Variants in FMN1 observed in about 807,000 individuals in gnomAD.
FMN1 encodes formin 1.
A neutral mutation model predicts 132.4 loss-of-function variants in FMN1; 110 were observed. The observed-to-expected ratio is 0.83, with a 90% CI of 0.71 to 0.97. The LOEUF is 0.97. Ranked by LOEUF, FMN1 falls within the 50% of genes least tolerant of loss-of-function variation. FMN1 has a pLI of 0.00. For synonymous variants in FMN1, 722 were observed against 651.7 expected, an observed-to-expected ratio of 1.11 and a Z score of -1.64; for missense variants, 1,792 against 1,705.3, an observed-to-expected ratio of 1.05 and a Z score of -0.90.
At chr15:33,078,521 A>G (rs2038313934) in intron 5 of FMN1, among the ~76,000 whole-genome samples, 1 of 152,220 alleles carries the variant, frequency 6.6e-6, no homozygotes, top group Admixed American at 6.5e-5. Context: ...CTATAGCTGG[A>G]GAAGGAAGTT....
chr15:33,128,602 T>C lies in FMN1; in HGVS notation c.1867+24446A>G, dbSNP rs113590020. Among the ~76,000 whole-genome samples the C allele has an allele frequency of 4.2e-3, 640 of 152,332 alleles. 5 individuals carry two copies. The highest frequency in any genetic ancestry group is 0.014 in the African/African-American group (585 of 41,576). Reference sequence around the variant, plus strand: ...CGTTCGTGGTCTAACTTCACAAACATACCCGCGGACCTTTGCGGCAAGTGT... The same window carrying C: ...CGTTCGTGGTCTAACTTCACAAACACACCCGCGGACCTTTGCGGCAAGTGT... On this transcript the variant is annotated intron_variant, in intron 4 of 20. Transcript: ENST00000616417.
intron 9 of FMN1, among the ~76,000 whole-genome samples, chr15:32,934,659 T>A (rs188824623): frequency 6.9e-6 from 1 of 145,450 alleles, no homozygotes; most frequent in Non-Finnish European, 1.5e-5. Context: ...CAGGCTGGAG[T>A]GCAATGGCGC....
intron 6 of FMN1, among the ~76,000 whole-genome samples, chr15:33,036,785 C>T (rs2036212691): frequency 6.6e-6 from 1 of 152,190 alleles, no homozygotes; most frequent in African/African-American, 2.4e-5. Context: ...ATGAAAAACA[C>T]AACGTTCAGT....
At chr15:32,823,178 T>C (rs896350510) in intron 17 of FMN1, among the ~76,000 whole-genome samples, 1 of 124,102 alleles carries the variant, frequency 8.1e-6, no homozygotes, top group African/African-American at 2.8e-5. Flanking sequence ...TTTTTTTTTT[T>C]TGAGACAGAG....
At chr15:33,068,398 G>C (rs919459850) in intron 5 of FMN1, among the ~76,000 whole-genome samples, 1 of 152,158 alleles carries the variant, frequency 6.6e-6, no homozygotes, top group Non-Finnish European at 1.5e-5. Flanking sequence ...AGCAGCCTAA[G>C]GGAATCAGAA....
chr15:33,163,208 G>A (rs1964963549), intron 3 of FMN1, among the ~76,000 whole-genome samples: 1 of 152,086 alleles, frequency 6.6e-6, no homozygotes, highest in Admixed American at 6.5e-5. Flanking sequence ...ATTACAAAGA[G>A]TAAGTGAGAA....
intron 6 of FMN1, among the ~76,000 whole-genome samples, chr15:33,056,181 G>A (rs952751296): frequency 5.3e-5 from 8 of 152,152 alleles, no homozygotes; most frequent in Non-Finnish European, 1.2e-4. Context: ...CCTATTACCA[G>A]CAATTCTATT....
chr15:32,793,019 T>C (rs180825823), intron 19 of FMN1, among the ~76,000 whole-genome samples: 1 of 152,078 alleles, frequency 6.6e-6, no homozygotes, highest in Non-Finnish European at 1.5e-5. Context: ...CAGGAAGGAG[T>C]GTGTGGTACG....
At chr15:33,146,634 C>T (rs940723901) in intron 4 of FMN1, among the ~76,000 whole-genome samples, 1 of 152,120 alleles carries the variant, frequency 6.6e-6, no homozygotes, top group Non-Finnish European at 1.5e-5. Flanking sequence ...TGCCGGGGCA[C>T]ACAGAGGAAC....
At chr15:33,048,822 G>C (rs980960008) in intron 6 of FMN1, among the ~76,000 whole-genome samples, 1 of 151,958 alleles carries the variant, frequency 6.6e-6, no homozygotes, top group Non-Finnish European at 1.5e-5. Context: ...TTACTATTAT[G>C]AGAAGAGCAT....
In FMN1 at chr15:33,065,058, GTCAGGCT is replaced by G; in HGVS notation, c.2053_2059del (p.Ser685LeufsTer29). On this transcript the variant is annotated frameshift_variant, in exon 6 of 21. Coordinates refer to ENST00000616417, the MANE Select transcript of FMN1 (RefSeq NM_001277313.2). LOFTEE classifies it high-confidence loss of function. ...GCCAGGAGTCCTGTCATCCTGCTCA[GTCAGGCT>G]GTGGTCAGGCTGTTGAAAGAGCAGG... The G allele has an allele frequency of 6.2e-7, 1 of 1,609,978 alleles. No homozygotes were observed. Among genetic ancestry groups the G allele is most frequent in the Non-Finnish European group, 8.5e-7 (1 of 1,177,984 alleles).
At chr15:32,872,154 C>T (rs1327333477) in intron 16 of FMN1, among the ~76,000 whole-genome samples, 1 of 152,004 alleles carries the variant, frequency 6.6e-6, no homozygotes, top group Non-Finnish European at 1.5e-5. Context: ...AGCAAACTTA[C>T]ATCAAACACT....
In FMN1 at chr15:32,785,902, T is replaced by C. The variant is rs1384655042; in HGVS notation, c.4131-8983A>G. On this transcript the variant is annotated intron_variant, in intron 19 of 20. Coordinates refer to ENST00000616417, the MANE Select transcript of FMN1 (RefSeq NM_001277313.2). ...GAGGGAATATGGTTCATGAAAGGCA[T>C]CTTGGGAAACACATGAGATCTGACC... is the stretch of plus-strand genomic sequence containing the variant. Among the ~76,000 whole-genome samples, 11 of 152,254 alleles carry C rather than the reference T, an allele frequency of 7.2e-5. No homozygotes were observed. The East Asian group carries it at 1.9e-3, about 27-fold the overall frequency.
At chr15:33,031,175 C>T (rs570210180) in intron 6 of FMN1, among the ~76,000 whole-genome samples, 11 of 152,282 alleles carry the variant, frequency 7.2e-5, no homozygotes, top group East Asian at 1.9e-4. Context: ...AGCCAGGATT[C>T]GAACCCAGGA....
At chr15:32,848,511 T>G (rs992737426) in intron 17 of FMN1, among the ~76,000 whole-genome samples, 8 of 152,342 alleles carry the variant, frequency 5.3e-5, no homozygotes, top group Non-Finnish European at 1.2e-4. Context: ...CTCATAGATC[T>G]TGCTTGATAA....
intron 3 of FMN1, among the ~76,000 whole-genome samples, chr15:33,178,173 T>A (rs1262405663): frequency 6.6e-6 from 1 of 152,174 alleles, no homozygotes; most frequent in African/African-American, 2.4e-5. Flanking sequence ...AACTAATCAA[T>A]GCATGTTATT....
At chr15:33,100,669 A>G (rs1566915056) in intron 4 of FMN1, among the ~76,000 whole-genome samples, 1 of 152,224 alleles carries the variant, frequency 6.6e-6, no homozygotes, top group Non-Finnish European at 1.5e-5. Context: ...AAACATATTC[A>G]TATCCTTTAA....
At chr15:33,035,029 C>G (rs1312906975) in intron 6 of FMN1, among the ~76,000 whole-genome samples, 1 of 152,110 alleles carries the variant, frequency 6.6e-6, no homozygotes, top group Non-Finnish European at 1.5e-5. Flanking sequence ...ACCTACGGAC[C>G]CCTTTCTCAG....
Position 32,770,350 on chromosome 15 carries a change from A to C in FMN1, c.*3960T>G, listed in dbSNP as rs1046332467. 5.9e-5 allele frequency: 9 copies of C among 152,236 alleles called. No individual in the cohort carries two copies. The highest frequency in any genetic ancestry group is 2.2e-4 in the African/African-American group (9 of 41,460). The allele number at this position is 152,236 out of a possible 1,614,324, so 9.4% of individuals were successfully genotyped here. A position where few individuals can be genotyped will look rare whatever the true frequency, so the allele number is the denominator to read the frequency against. On this transcript the variant is annotated 3_prime_UTR_variant, in exon 21 of 21. Coordinates refer to ENST00000616417, the MANE Select transcript of FMN1 (RefSeq NM_001277313.2). ...GAGAAGCAGAAACAGAAATGAGGAC[A>C]TGTAACTTTCAAGAAAGGAAGAGTA...
Sources: allele counts gnomAD v4.1 joint callset (sites outside exome capture counted in the v4.1 genomes callset), GRCh38; gene constraint gnomAD v4.1.1; transcripts MANE v1.5; gene names NCBI Gene and HGNC (gene_info 2026-07-23, HGNC 2026-07-21).